The following UFD1 variants were observed in gnomAD, a reference collection of about 807,000 sequenced individuals.
The protein encoded by UFD1 is ubiquitin recognition factor in ER associated degradation 1.
In UFD1, 13 loss-of-function variants were observed where a neutral mutation model predicts 45.9. The observed-to-expected ratio is 0.28, with a 90% CI of 0.18 to 0.45. UFD1 has a LOEUF of 0.45. Among genes scored for constraint, UFD1 ranks in the 20% least tolerant of loss-of-function variants. The pLI is 1.00. For missense variants in UFD1, 218 were observed against 389.2 expected (o/e 0.56, Z 3.70); for synonymous variants, 128 against 139.2 (o/e 0.92, Z 0.56).
intron 4 of UFD1, among the ~76,000 whole-genome samples, chr22:19,469,608 A>G (rs2089829155): frequency 6.6e-6 from 1 of 152,224 alleles, no homozygotes; most frequent in South Asian, 2.1e-4. Flanking sequence ...AGCCTTGGCT[A>G]CAAGGAAAAA....
chr22:19,476,023 C>A (rs1180657220), intron 1 of UFD1, among the ~76,000 whole-genome samples: 1 of 152,120 alleles, frequency 6.6e-6, no homozygotes, highest in Non-Finnish European at 1.5e-5. Flanking sequence ...GATGTCTGTC[C>A]ACTAACAAAA....
chr22:19,465,049 T>C, intron 6 of UFD1, 153 bp downstream of exon 6: 1 of 682,788 alleles, frequency 1.5e-6, no homozygotes, highest in Non-Finnish European at 2.5e-6. Context: ...GGGCTCTAAA[T>C]ATGAACCCGG....
Position 19,479,108 on chromosome 22 carries a change from C to T in UFD1, c.-23G>A. 6.2e-7 allele frequency: 1 copy of T among 1,610,996 alleles called. No homozygotes were observed. Among genetic ancestry groups the T allele is most frequent in the Non-Finnish European group, 8.5e-7 (1 of 1,179,108 alleles). ...CATGATGGACACCACCTGGCAGACT[C>T]CGCTCCTCTCAGGCAATGCAACGAA... On this transcript the variant is annotated 5_prime_UTR_variant, in exon 1 of 12. Coordinates refer to ENST00000263202, the MANE Select transcript of UFD1 (RefSeq NM_005659.7).
chr22:19,478,011 AG>A (rs892491563), intron 1 of UFD1, among the ~76,000 whole-genome samples: 5 of 152,206 alleles, frequency 3.3e-5, no homozygotes, highest in Admixed American at 2.0e-4. Context: ...AGAACAGGGT[AG>A]GGGCTTGCTT....
intron 10 of UFD1, 44 bp downstream of exon 10, chr22:19,455,636 A>G: frequency 6.3e-7 from 1 of 1,598,448 alleles, no homozygotes; most frequent in Non-Finnish European, 8.6e-7. Flanking sequence ...GCGGGCTGGC[A>G]CAGATCCTCC....
intron 3 of UFD1, among the ~76,000 whole-genome samples, chr22:19,473,491 C>A (rs1250502280): frequency 6.6e-6 from 1 of 152,230 alleles, no homozygotes; most frequent in African/African-American, 2.4e-5. Flanking sequence ...TGCCAAGGGT[C>A]ACCCCTGGTG....
At chr22:19,468,202 G>A (rs2089817466) in intron 4 of UFD1, among the ~76,000 whole-genome samples, 199 bp from the exon 5 acceptor site, 2 of 152,220 alleles carry the variant, frequency 1.3e-5, no homozygotes, top group South Asian at 2.1e-4. Flanking sequence ...ATAAAGGGGT[G>A]CTACTGAAGC....
chr22:19,469,054 C>T (rs182305846), intron 4 of UFD1, among the ~76,000 whole-genome samples: 1 of 152,200 alleles, frequency 6.6e-6, no homozygotes, highest in Admixed American at 6.5e-5. Flanking sequence ...TGCAGAGGAC[C>T]CCATGCACTC....
At position 19,460,752 on chromosome 22, in the gene UFD1, ATTCT is replaced by A. The variant is rs755334266; in HGVS notation, c.496-2617_496-2614del. Reference sequence around the variant, plus strand: ...CTTCCTCGAGGCCCTGGCAACCACCATTCTTTTTTTTTTTTTTTTTCCCTTGAGG... The same window carrying A: ...CTTCCTCGAGGCCCTGGCAACCACCATTTTTTTTTTTTTTTTCCCTTGAGG... On this transcript the variant is annotated intron_variant, in intron 6 of 11. Transcript: ENST00000263202. 7.5e-4 allele frequency among the ~76,000 whole-genome samples: 107 copies of A among 143,302 alleles called. 1 individual carries two copies. In the East Asian group the frequency reaches 0.019, roughly 25 times the overall value. 94.0% of individuals were successfully genotyped at this position (143,302 alleles called of 152,430 possible).
intron 6 of UFD1, among the ~76,000 whole-genome samples, chr22:19,460,510 C>G (rs1049639638): frequency 6.6e-6 from 1 of 152,096 alleles, no homozygotes; most frequent in Non-Finnish European, 1.5e-5. Flanking sequence ...GACCAATTTT[C>G]TAGGTTGGTG....
At chr22:19,459,724 AGTCT>A (rs1232869385) in intron 6 of UFD1, among the ~76,000 whole-genome samples, 1 of 147,886 alleles carries the variant, frequency 6.8e-6, no homozygotes, top group Non-Finnish European at 1.5e-5. Flanking sequence ...TTTTATCTAA[AGTCT>A]GTCTTGCTTT....
chr22:19,470,129 C>T (rs549480108), intron 4 of UFD1: 6 of 458,698 alleles, frequency 1.3e-5, no homozygotes, highest in African/African-American at 6.0e-5. Flanking sequence ...CAGACAAACA[C>T]AAGAATAGCA....
rs183305340 is a variant in UFD1, at chr22:19,477,197, T to C, written c.4-1595A>G. On this transcript the variant is annotated intron_variant, in intron 1 of 11. Coordinates refer to ENST00000263202, the MANE Select transcript of UFD1 (RefSeq NM_005659.7). ...TAAAATCTCACAGGAGGATATATATTCAAAAGAACTGGAGGCAGAATCAAG... is the reference window on the plus strand; with the variant it reads ...TAAAATCTCACAGGAGGATATATATCCAAAAGAACTGGAGGCAGAATCAAG... 3.1e-3 allele frequency among the ~76,000 whole-genome samples: 467 copies of C among 152,134 alleles called. 2 individuals carry two copies. The highest frequency in any genetic ancestry group is 5.0e-3 in the Non-Finnish European group (338 of 68,002).
intron 6 of UFD1, among the ~76,000 whole-genome samples, chr22:19,458,841 T>C (rs1392300791): frequency 6.6e-6 from 1 of 152,238 alleles, no homozygotes; most frequent in Non-Finnish European, 1.5e-5. Flanking sequence ...AGATGCTCCT[T>C]GACTTATGAT....
At chr22:19,465,085 C>T (rs2089792575) in intron 6 of UFD1, 117 bp downstream of exon 6, 4 of 918,300 alleles carry the variant, frequency 4.4e-6, no homozygotes, top group East Asian at 4.9e-5. Flanking sequence ...AAACAGTAGG[C>T]AGTAATTAGG....
chr22:19,454,570 G>C (rs1276755389), intron 11 of UFD1, 179 bp downstream of exon 11: 1 of 1,337,436 alleles, frequency 7.5e-7, no homozygotes, highest in Non-Finnish European at 9.9e-7. Context: ...CCAGCCATGT[G>C]AACTGTAAGT....
intron 3 of UFD1, among the ~76,000 whole-genome samples, 196 bp from the exon 4 acceptor site, chr22:19,472,004 T>C (rs1204266388): frequency 2.0e-5 from 3 of 152,220 alleles, no homozygotes; most frequent in East Asian, 1.9e-4. Context: ...AGCACTGGCA[T>C]AGACTTGTGA....
Position 19,475,655 on chromosome 22 carries a change from T to A in UFD1, c.4-53A>T, listed in dbSNP as rs1342177521. On this transcript the variant is annotated intron_variant, in intron 1 of 11. Transcript: ENST00000263202. ...TAAAACAAAGGTACATTTCTTCATG[T>A]CAAAAGCCAAAACATGTCAGAGTAA... 3 of 1,601,388 alleles carry A rather than the reference T, an allele frequency of 1.9e-6. No homozygotes were observed. In the East Asian group the frequency reaches 6.7e-5, roughly 36 times the overall value.
intron 11 of UFD1, chr22:19,454,281 A>G: frequency 1.0e-6 from 1 of 998,456 alleles, no homozygotes; most frequent in Non-Finnish European, 1.2e-6. Context: ...GAAAGGGAAA[A>G]CATGACAGAC....
Sources: allele counts gnomAD v4.1 joint callset (sites outside exome capture counted in the v4.1 genomes callset), GRCh38; gene constraint gnomAD v4.1.1; transcripts MANE v1.5; gene names NCBI Gene and HGNC (gene_info 2026-07-23, HGNC 2026-07-21).